DTWD2: variants seen among roughly 807,000 people sequenced by gnomAD.
DTWD2 encodes the protein tRNA-uridine aminocarboxypropyltransferase 2.
Under a neutral mutation model 31.8 loss-of-function variants are expected in DTWD2, and 39 were observed. That is an observed-to-expected ratio of 1.22 (90% confidence interval 0.95 to 1.60). The LOEUF (loss-of-function observed/expected upper bound fraction) is 1.60. Ranked by LOEUF, DTWD2 falls within the 40% of genes most tolerant of loss-of-function variation. The pLI is 0.00. For synonymous variants in DTWD2, 180 were observed against 142.8 expected, an observed-to-expected ratio of 1.26 and a Z score of -1.86; for missense variants, 515 against 381.5, an observed-to-expected ratio of 1.35 and a Z score of -2.92.
chr5:118,858,934 G>C (rs1219962334), intron 4 of DTWD2, among the ~76,000 whole-genome samples: 1 of 152,116 alleles, frequency 6.6e-6, no homozygotes, highest in Non-Finnish European at 1.5e-5. Context: ...TTTTAAGTAA[G>C]AAAATTTCAA....
chr5:118,921,999 G>C (rs561279606), intron 4 of DTWD2, among the ~76,000 whole-genome samples: 7 of 152,316 alleles, frequency 4.6e-5, no homozygotes, highest in South Asian at 2.1e-4. Context: ...TTAAGCTTTA[G>C]TGGACATTTT....
intron 1 of DTWD2, among the ~76,000 whole-genome samples, chr5:118,956,825 T>C (rs1328872184): frequency 6.6e-6 from 1 of 152,144 alleles, no homozygotes; most frequent in African/African-American, 2.4e-5. Context: ...AAAAGTTTCA[T>C]AGCTATTCAT....
At chr5:118,858,279 A>G (rs983705240) in intron 4 of DTWD2, among the ~76,000 whole-genome samples, 1 of 152,202 alleles carries the variant, frequency 6.6e-6, no homozygotes, top group African/African-American at 2.4e-5. Context: ...GAGAAAAGGT[A>G]CTCAATGGAA....
intron 5 of DTWD2, among the ~76,000 whole-genome samples, chr5:118,842,866 G>A (rs1296981519): frequency 6.6e-6 from 1 of 151,576 alleles, no homozygotes; most frequent in Non-Finnish European, 1.5e-5. Flanking sequence ...AGGATCGCTT[G>A]AGCCTGGGAG....
intron 1 of DTWD2, among the ~76,000 whole-genome samples, chr5:118,950,991 T>TAAA (rs1488969855): frequency 1.3e-5 from 2 of 152,102 alleles, no homozygotes; most frequent in Non-Finnish European, 2.9e-5. Context: ...TCTAGGAAGG[T>TAAA]AAAGTCTCTA....
At chr5:118,858,221 T>A (rs1313855317) in intron 4 of DTWD2, among the ~76,000 whole-genome samples, 1 of 151,984 alleles carries the variant, frequency 6.6e-6, no homozygotes, top group African/African-American at 2.4e-5. Flanking sequence ...AGCTTTGCAA[T>A]ACTTCAAAAT....
intron 4 of DTWD2, among the ~76,000 whole-genome samples, chr5:118,919,635 T>A (rs1168444631): frequency 6.6e-6 from 1 of 152,224 alleles, no homozygotes; most frequent in East Asian, 1.9e-4. Context: ...GAGCTGTAAT[T>A]TGTATCATAT....
chr5:118,906,383 A>G (rs1333583049), intron 4 of DTWD2, among the ~76,000 whole-genome samples: 1 of 152,184 alleles, frequency 6.6e-6, no homozygotes, highest in Non-Finnish European at 1.5e-5. Context: ...CGTCCACACA[A>G]ATACTTGCAT....
chr5:118,917,789 T>C (rs1753612206), intron 4 of DTWD2, among the ~76,000 whole-genome samples: 1 of 152,084 alleles, frequency 6.6e-6, no homozygotes, highest in African/African-American at 2.4e-5. Flanking sequence ...GTGACAAACA[T>C]GGTGAAACCT....
chr5:118,937,768 G>A (rs989128499), intron 3 of DTWD2, among the ~76,000 whole-genome samples: 9 of 141,196 alleles, frequency 6.4e-5, no homozygotes, highest in African/African-American at 2.0e-4. Context: ...CCCACCCAGC[G>A]GTTGAATCCC....
At chr5:118,985,901 T>C (rs1755415768) in intron 1 of DTWD2, among the ~76,000 whole-genome samples, 1 of 152,162 alleles carries the variant, frequency 6.6e-6, no homozygotes, top group South Asian at 2.1e-4. Context: ...CCCTACATCA[T>C]AGGATTTTTA....
chr5:118,874,578 C>T (rs1362860505), intron 4 of DTWD2, among the ~76,000 whole-genome samples: 1 of 152,058 alleles, frequency 6.6e-6, no homozygotes, highest in South Asian at 2.1e-4. Context: ...AAAGTATTAA[C>T]AGCAGAACAG....
chr5:118,976,687 G>C (rs1329774370), intron 1 of DTWD2, among the ~76,000 whole-genome samples: 1 of 152,146 alleles, frequency 6.6e-6, no homozygotes, highest in Non-Finnish European at 1.5e-5. Flanking sequence ...CTGAAATTGA[G>C]GCAGTAATTA....
chr5:118,977,954 A>C (rs1337844354), intron 1 of DTWD2, among the ~76,000 whole-genome samples: 1 of 152,196 alleles, frequency 6.6e-6, no homozygotes, highest in Non-Finnish European at 1.5e-5. Flanking sequence ...TTCAAACTAT[A>C]CTACAAGGCT....
At chr5:118,842,198 GCTT>G (rs1228767048) in intron 5 of DTWD2, among the ~76,000 whole-genome samples, 4 of 152,106 alleles carry the variant, frequency 2.6e-5, no homozygotes, top group Non-Finnish European at 5.9e-5. Context: ...ACTAGTAGTT[GCTT>G]CTTCGTATTA....
intron 4 of DTWD2, among the ~76,000 whole-genome samples, chr5:118,852,933 C>T (rs983593985): frequency 3.9e-5 from 6 of 152,052 alleles, no homozygotes; most frequent in South Asian, 2.1e-4. Context: ...TGCAGCTGGA[C>T]GCCATTATCC....
At position 118,840,314 on chromosome 5, in the gene DTWD2, T is replaced by C. The variant is rs1751680868; in HGVS notation, c.*603A>G. 1 of 152,210 alleles carries C rather than the reference T, an allele frequency of 6.6e-6. No homozygotes were observed. The allele number at this position is 152,210 out of a possible 1,614,324, so 9.4% of individuals were successfully genotyped here. A position where few individuals can be genotyped will look rare whatever the true frequency, so the allele number is the denominator to read the frequency against. On this transcript the variant is annotated 3_prime_UTR_variant, in exon 6 of 6. Transcript: ENST00000510708. Reference sequence around the variant, plus strand: ...TGATTACAAATGAAAATGTGTGCTATTTCAAAATTACATGCACCTCTTTAA... The same window carrying C: ...TGATTACAAATGAAAATGTGTGCTACTTCAAAATTACATGCACCTCTTTAA...
intron 1 of DTWD2, among the ~76,000 whole-genome samples, chr5:118,945,131 T>C (rs1238080829): frequency 3.3e-5 from 5 of 152,204 alleles, no homozygotes; most frequent in Admixed American, 6.5e-5. Flanking sequence ...AACTTACCAA[T>C]TGTGAGAAGA....
chr5:118,885,322 G>A (rs928787548), intron 4 of DTWD2, among the ~76,000 whole-genome samples: 13 of 151,308 alleles, frequency 8.6e-5, no homozygotes, highest in African/African-American at 2.4e-4. Flanking sequence ...GTGTGGTGGC[G>A]GGCACCTGCA....
Sources: gnomAD v4.1 joint callset for allele counts (sites outside exome capture counted in the v4.1 genomes callset) on GRCh38, gnomAD v4.1.1 for gene constraint, MANE v1.5 for transcripts, NCBI Gene and HGNC (gene_info 2026-07-23, HGNC 2026-07-21) for gene names.